MAST4: variants seen among roughly 807,000 people sequenced by gnomAD.
MAST4 encodes the protein microtubule-associated serine/threonine-protein kinase 4.
In MAST4, 89 loss-of-function variants were observed where a neutral mutation model predicts 162.7. The ratio of observed to expected loss-of-function variants is 0.55; its 90% CI spans 0.46 to 0.65. The LOEUF is 0.65. Among genes scored for constraint, MAST4 ranks in the 30% least tolerant of loss-of-function variants. MAST4 has a pLI of 0.00. For missense variants in MAST4, 3,153 were observed against 3,374.0 expected (o/e 0.93, Z 1.62); for synonymous variants, 1,479 against 1,361.1 (o/e 1.09, Z -1.91).
chr5:67,166,604 C>T lies in MAST4; in HGVS notation c.7425C>T (p.Ala2475=). 6.2e-7 allele frequency: 1 copy of T among 1,601,338 alleles called. No homozygotes were observed. The highest frequency in any genetic ancestry group is 1.1e-5 in the South Asian group (1 of 88,678). Residue 2475 remains alanine (A), a synonymous_variant, in exon 29 of 29, where the codon GCC becomes GCT. Transcript: ENST00000403625. ...FPETRAGVRE[A]SAASSDTSSA... ...AAACCAGGGCCGGAGTTAGAGAGGC[C>T]TCTGCAGCCAGCAGCGACACCTCTT...
intron 1 of MAST4, among the ~76,000 whole-genome samples, chr5:66,754,356 A>G (rs1188864136): frequency 6.6e-6 from 1 of 152,232 alleles, no homozygotes; most frequent in Non-Finnish European, 1.5e-5. Context: ...TTAGTTTGGT[A>G]TATGGAACAG....
chr5:66,920,363 T>C (rs1414840451), intron 4 of MAST4, among the ~76,000 whole-genome samples: 1 of 152,188 alleles, frequency 6.6e-6, no homozygotes, highest in Non-Finnish European at 1.5e-5. Context: ...TATGTGTATC[T>C]GTGTAAATTC....
chr5:66,662,464 C>A (rs2149462295), intron 1 of MAST4: 1 of 152,248 alleles, frequency 6.6e-6, no homozygotes, highest in East Asian at 1.9e-4. Context: ...ATTACAGAAT[C>A]CTTTTTATTT....
chr5:66,756,711 T>A (rs1753562372), intron 1 of MAST4, among the ~76,000 whole-genome samples: 1 of 152,180 alleles, frequency 6.6e-6, no homozygotes, highest in Admixed American at 6.5e-5. Flanking sequence ...TTGAGAAGCT[T>A]TGACTAATTG....
At chr5:66,699,574 G>T (rs1580230568) in intron 1 of MAST4, among the ~76,000 whole-genome samples, 1 of 152,130 alleles carries the variant, frequency 6.6e-6, no homozygotes, top group Admixed American at 6.5e-5. Context: ...GGAATACTGT[G>T]CAGCCATAAA....
intron 5 of MAST4, among the ~76,000 whole-genome samples, chr5:67,081,492 G>C (rs1762649461): frequency 6.6e-6 from 1 of 150,578 alleles, no homozygotes; most frequent in Non-Finnish European, 1.5e-5. Context: ...AAATAGGGAA[G>C]TGAAAAAAAA....
chr5:67,056,233 A>G (rs1283098100), intron 5 of MAST4, among the ~76,000 whole-genome samples: 1 of 152,124 alleles, frequency 6.6e-6, no homozygotes, highest in African/African-American at 2.4e-5. Flanking sequence ...AAGGCTACGT[A>G]ATGAGGATAC....
intron 4 of MAST4, among the ~76,000 whole-genome samples, chr5:66,978,895 TAGTA>T (rs970871508): frequency 1.3e-5 from 2 of 152,122 alleles, no homozygotes; most frequent in South Asian, 2.1e-4. Flanking sequence ...CATGGTAGCT[TAGTA>T]AGATTTCTGC....
At chr5:67,008,592 A>T in intron 4 of MAST4, among the ~76,000 whole-genome samples, 1 of 152,308 alleles carries the variant, frequency 6.6e-6, no homozygotes, top group South Asian at 2.1e-4. Flanking sequence ...GAAATCTGTC[A>T]TGTTTTCATT....
At chr5:66,995,534 C>T (rs936497477) in intron 4 of MAST4, among the ~76,000 whole-genome samples, 2 of 152,126 alleles carry the variant, frequency 1.3e-5, no homozygotes, top group African/African-American at 4.8e-5. Context: ...TTCCAAGTAG[C>T]TGGGACTATC....
intron 3 of MAST4, among the ~76,000 whole-genome samples, chr5:66,879,448 G>A (rs1357691909): frequency 6.6e-6 from 1 of 151,878 alleles, no homozygotes; most frequent in Non-Finnish European, 1.5e-5. Context: ...TCTAAAACTG[G>A]AAATCTAAAA....
intron 3 of MAST4, among the ~76,000 whole-genome samples, chr5:66,847,848 A>C (rs922782385): frequency 6.6e-6 from 1 of 151,568 alleles, no homozygotes; most frequent in African/African-American, 2.4e-5. Context: ...AAAAAAGAAA[A>C]ACCTTAACAG....
intron 3 of MAST4, among the ~76,000 whole-genome samples, chr5:66,828,153 C>T (rs1757364138): frequency 6.6e-6 from 1 of 152,140 alleles, no homozygotes; most frequent in African/African-American, 2.4e-5. Flanking sequence ...TAAACTGTTT[C>T]TGTCTTTGAG....
At chr5:66,969,581 T>C (rs978931950) in intron 4 of MAST4, among the ~76,000 whole-genome samples, 1 of 152,170 alleles carries the variant, frequency 6.6e-6, no homozygotes, top group Non-Finnish European at 1.5e-5. Context: ...CCTAGTCCCA[T>C]TTTGCCAAGA....
At chr5:66,910,342 C>T (rs1209952635) in intron 4 of MAST4, among the ~76,000 whole-genome samples, 2 of 152,180 alleles carry the variant, frequency 1.3e-5, no homozygotes, top group Non-Finnish European at 2.9e-5. Flanking sequence ...ATGGTCCCAG[C>T]TGCAGTAACT....
intron 3 of MAST4, among the ~76,000 whole-genome samples, chr5:66,890,992 G>A (rs1423444688): frequency 6.6e-6 from 1 of 152,200 alleles, no homozygotes; most frequent in Non-Finnish European, 1.5e-5. Flanking sequence ...CACTATTTGT[G>A]TAAAAAATTT....
At chr5:66,607,972 T>C (rs1743000354) in intron 1 of MAST4, among the ~76,000 whole-genome samples, 1 of 152,096 alleles carries the variant, frequency 6.6e-6, no homozygotes, top group Non-Finnish European at 1.5e-5. Flanking sequence ...ATTTATGGTG[T>C]ACAACACGAT....
chr5:67,060,948 G>A (rs1489263771), intron 5 of MAST4, among the ~76,000 whole-genome samples: 1 of 152,214 alleles, frequency 6.6e-6, no homozygotes, highest in Admixed American at 6.5e-5. Flanking sequence ...AAAATTTTAA[G>A]AGAGTTTATA....
At chr5:67,004,423 G>C (rs1435098836) in intron 4 of MAST4, among the ~76,000 whole-genome samples, 1 of 152,212 alleles carries the variant, frequency 6.6e-6, no homozygotes, top group Non-Finnish European at 1.5e-5. Flanking sequence ...TTAAGTTTCC[G>C]CTTTTTTCAG....
Sources: gnomAD v4.1 joint callset for allele counts (sites outside exome capture counted in the v4.1 genomes callset) on GRCh38, gnomAD v4.1.1 for gene constraint, MANE v1.5 for transcripts, NCBI Gene and HGNC (gene_info 2026-07-23, HGNC 2026-07-21) for gene names.